CAMTA1: variants seen among roughly 807,000 people sequenced by gnomAD.
The protein encoded by CAMTA1 is calmodulin binding transcription activator 1, also known as calmodulin-binding transcription activator 1.
CAMTA1 carries 27 observed loss-of-function variants against 170.9 expected under a neutral mutation model. The observed-to-expected ratio is 0.16, with a 90% CI of 0.12 to 0.22. CAMTA1 has a LOEUF of 0.22. Ranked by LOEUF, CAMTA1 falls within the 10% of genes least tolerant of loss-of-function variation. The probability of loss-of-function intolerance (pLI) is 1.00; values close to 1 mark genes in which losing one functional copy is unlikely to be tolerated. For synonymous variants in CAMTA1, 833 were observed against 891.5 expected (o/e 0.93, Z 1.17); for missense variants, 1,619 against 2,217.2 (o/e 0.73, Z 5.42).
chr1:6,991,802 G>A (rs150308307), intron 3 of CAMTA1, among the ~76,000 whole-genome samples: 73 of 152,158 alleles, frequency 4.8e-4, no homozygotes, highest in African/African-American at 1.6e-3. Context: ...GGGTTGAAGC[G>A]ATTCTCCGGC....
intron 3 of CAMTA1, among the ~76,000 whole-genome samples, chr1:6,909,511 G>A (rs915593002): frequency 2.0e-5 from 3 of 152,210 alleles, no homozygotes; most frequent in African/African-American, 7.2e-5. Context: ...ACCCTGCAGT[G>A]GGCTCTACAG....
chr1:7,513,041 G>A (rs2094223598), intron 6 of CAMTA1, among the ~76,000 whole-genome samples: 2 of 152,172 alleles, frequency 1.3e-5, no homozygotes, highest in Admixed American at 1.3e-4. Context: ...GGTTTTGAGT[G>A]ACAGGCACTG....
intron 1 of CAMTA1, among the ~76,000 whole-genome samples, chr1:6,807,866 CT>C (rs940685407): frequency 2.2e-4 from 33 of 151,922 alleles, no homozygotes; most frequent in African/African-American, 8.0e-4. Context: ...CTTCAGAAGC[CT>C]GTCAGGGACA....
intron 5 of CAMTA1, among the ~76,000 whole-genome samples, chr1:7,462,906 G>C (rs553759322): frequency 6.6e-6 from 1 of 152,202 alleles, no homozygotes; most frequent in Non-Finnish European, 1.5e-5. Flanking sequence ...CCCTCCACCC[G>C]TGTGCCCACT....
At chr1:6,809,801 C>T (rs1283386899) in intron 1 of CAMTA1, among the ~76,000 whole-genome samples, 1 of 151,818 alleles carries the variant, frequency 6.6e-6, no homozygotes, top group South Asian at 2.1e-4. Context: ...TTCAGGGTTG[C>T]TGAGTGTGGA....
At chr1:7,040,465 A>G (rs1704268131) in intron 3 of CAMTA1, among the ~76,000 whole-genome samples, 1 of 152,190 alleles carries the variant, frequency 6.6e-6, no homozygotes. Context: ...AAATGTGCTT[A>G]GACAATGGAT....
chr1:6,872,315 C>T (rs1298905850), intron 3 of CAMTA1, among the ~76,000 whole-genome samples: 2 of 151,932 alleles, frequency 1.3e-5, no homozygotes, highest in Admixed American at 1.3e-4. Context: ...ATAGTAGCAA[C>T]TTGAATTTAT....
intron 16 of CAMTA1, among the ~76,000 whole-genome samples, chr1:7,743,602 A>G (rs980921027): frequency 3.9e-5 from 6 of 152,106 alleles, no homozygotes; most frequent in African/African-American, 1.4e-4. Flanking sequence ...GTTTCCACTT[A>G]GCAGGATGTT....
Position 7,147,419 on chromosome 1 carries a change from G to A in CAMTA1, c.302+56048G>A, listed in dbSNP as rs538959947. ...AGCCTGGGTAACAGAGCGAGACTCC[G>A]TCTCAAAAAAAAAAAAAAAACACCC... On this transcript the variant is annotated intron_variant, in intron 4 of 22. Transcript: ENST00000303635. 2.9e-4 allele frequency among the ~76,000 whole-genome samples: 24 copies of A among 82,804 alleles called. No homozygotes were observed. The East Asian group carries it at 7.1e-3, about 25-fold the overall frequency. The allele number at this position is 82,804 out of a possible 152,430, so 54.3% of individuals were successfully genotyped here.
At chr1:7,652,258 C>A (rs1403465775) in intron 7 of CAMTA1, among the ~76,000 whole-genome samples, 2 of 152,206 alleles carry the variant, frequency 1.3e-5, no homozygotes, top group African/African-American at 4.8e-5. Context: ...GGCTTGGATG[C>A]AGCGTTGCTG....
chr1:7,683,914 T>C (rs575903733), intron 11 of CAMTA1, among the ~76,000 whole-genome samples: 3 of 152,314 alleles, frequency 2.0e-5, no homozygotes, highest in East Asian at 1.9e-4. Flanking sequence ...ATCTTAGCCA[T>C]TGGGGCTCCT....
At chr1:7,476,438 G>T (rs1408641757) in intron 6 of CAMTA1, among the ~76,000 whole-genome samples, 2 of 152,134 alleles carry the variant, frequency 1.3e-5, no homozygotes, top group African/African-American at 2.4e-5. Flanking sequence ...CAAAGTTGAA[G>T]GATGGAAGAA....
chr1:7,071,350 A>G (rs2147923341), intron 3 of CAMTA1, among the ~76,000 whole-genome samples: 1 of 152,372 alleles, frequency 6.6e-6, no homozygotes, highest in Non-Finnish European at 1.5e-5. Flanking sequence ...TGGTACAGAC[A>G]TTGATTTCAC....
intron 1 of CAMTA1, among the ~76,000 whole-genome samples, chr1:6,787,555 C>CTCTA (rs1158427550): frequency 1.3e-5 from 2 of 152,164 alleles, no homozygotes; most frequent in Admixed American, 1.3e-4. Context: ...AGATGACTAG[C>CTCTA]TCTACATTTT....
At chr1:7,294,909 C>A (rs372873999) in intron 5 of CAMTA1, among the ~76,000 whole-genome samples, 41 of 152,258 alleles carry the variant, frequency 2.7e-4, no homozygotes, top group African/African-American at 8.7e-4. Context: ...TCGCATCTGC[C>A]CCGTGACTCC....
chr1:6,981,096 G>A (rs552864864), intron 3 of CAMTA1, among the ~76,000 whole-genome samples: 3 of 152,148 alleles, frequency 2.0e-5, no homozygotes, highest in South Asian at 2.1e-4. Flanking sequence ...ATGAGCAAAC[G>A]CACTGATATT....
chr1:7,184,125 G>A (rs1184745180), intron 4 of CAMTA1, among the ~76,000 whole-genome samples: 1 of 152,074 alleles, frequency 6.6e-6, no homozygotes, highest in African/African-American at 2.4e-5. Context: ...AAATAAGCCC[G>A]GCACGGAAAG....
chr1:7,186,145 C>T (rs1457827951), intron 4 of CAMTA1, among the ~76,000 whole-genome samples: 1 of 151,902 alleles, frequency 6.6e-6, no homozygotes, highest in Non-Finnish European at 1.5e-5. Flanking sequence ...GTGTGCATGT[C>T]TGTAGGTAGA....
intron 11 of CAMTA1, among the ~76,000 whole-genome samples, chr1:7,715,784 G>A (rs985860424): frequency 4.6e-5 from 7 of 152,222 alleles, no homozygotes; most frequent in Non-Finnish European, 8.8e-5. Context: ...ACTGAGTGCC[G>A]TGCCGGCATG....
Sources: allele counts gnomAD v4.1 joint callset (sites outside exome capture counted in the v4.1 genomes callset), GRCh38; gene constraint gnomAD v4.1.1; transcripts MANE v1.5; gene names NCBI Gene and HGNC (gene_info 2026-07-23, HGNC 2026-07-21).